The following AHCYL2 variants were observed in gnomAD, a reference collection of about 807,000 sequenced individuals.
AHCYL2 encodes S-adenosylhomocysteine hydrolase-like protein 2.
AHCYL2 carries 28 observed loss-of-function variants against 81.4 expected under a neutral mutation model. That is an observed-to-expected ratio of 0.34 (90% confidence interval 0.25 to 0.47). The LOEUF is 0.47. AHCYL2 is among the 20% of genes least tolerant of loss of function. The probability of loss-of-function intolerance (pLI) is 1.00; values close to 1 mark genes in which losing one functional copy is unlikely to be tolerated. For missense variants in AHCYL2, 551 were observed against 785.1 expected (o/e 0.70, Z 3.56); for synonymous variants, 272 against 290.2 (o/e 0.94, Z 0.64).
chr7:129,247,562 T>C (rs974500223), intron 1 of AHCYL2, among the ~76,000 whole-genome samples: 15 of 151,860 alleles, frequency 9.9e-5, no homozygotes, highest in Non-Finnish European at 2.2e-4. Flanking sequence ...ATCTTTTTAA[T>C]TTTGAAAAAG....
chr7:129,292,027 C>T (rs1410194172), intron 1 of AHCYL2, among the ~76,000 whole-genome samples: 2 of 151,926 alleles, frequency 1.3e-5, no homozygotes, highest in East Asian at 3.9e-4. Context: ...TTAAGACAAA[C>T]AATTATGAAG....
At chr7:129,333,256 G>A (rs939217995) in intron 1 of AHCYL2, among the ~76,000 whole-genome samples, 19 of 150,338 alleles carry the variant, frequency 1.3e-4, no homozygotes, top group African/African-American at 4.2e-4. Flanking sequence ...GATTGCTTGA[G>A]GCCAGGAGTT....
chr7:129,410,232 C>T, intron 11 of AHCYL2: 1 of 1,613,852 alleles, frequency 6.2e-7, no homozygotes, highest in East Asian at 2.2e-5. Flanking sequence ...AGCCCAATGG[C>T]TCCTTCTCCA....
chr7:129,272,964 C>G (rs1399542258), intron 1 of AHCYL2, among the ~76,000 whole-genome samples: 6 of 152,154 alleles, frequency 3.9e-5, no homozygotes, highest in Admixed American at 3.9e-4. Flanking sequence ...GGCTGGAGTG[C>G]AGTGGTGCTC....
chr7:129,379,505 T>C, intron 1 of AHCYL2, 133 bp from the exon 2 acceptor site: 4 of 650,814 alleles, frequency 6.1e-6, no homozygotes, highest in Non-Finnish European at 7.9e-6. Flanking sequence ...TCAAAGGGTC[T>C]TAATATCCCA....
At position 129,422,867 on chromosome 7, in the gene AHCYL2, T is replaced by C. The variant is rs1385638100; in HGVS notation, c.1489T>C (p.Trp497Arg). ...GAGTCTGCGGACACCAGAACTGACC[T>C]GGGAGCGAGTGAGATCTCAAGTTGA... ...VASLRTPELT[W>R]ERVRSQVDHV... is the part of the protein sequence containing the mutation. The change falls in exon 13 of 17, where the codon TGG (tryptophan) becomes CGG (arginine). Residue 497 changes from tryptophan (W) to arginine (R), a missense_variant. Physicochemically the swap from Trp to Arg is moderately radical, Grantham distance 101. Around this residue, in one of 2 missense-constraint regions of AHCYL2, gnomAD observed 316 missense variants for 543.1 expected, o/e 0.58. Transcript: ENST00000325006. The C allele has an allele frequency of 1.2e-6, 2 of 1,614,034 alleles. No homozygotes were observed. Among genetic ancestry groups the C allele is most frequent in the East Asian group, 2.2e-5 (1 of 44,902 alleles).
intron 1 of AHCYL2, among the ~76,000 whole-genome samples, chr7:129,365,102 A>G (rs1794060006): frequency 6.6e-6 from 1 of 152,184 alleles, no homozygotes; most frequent in Admixed American, 6.5e-5. Flanking sequence ...GCCCCTGAAG[A>G]GCCTGGAGAC....
intron 12 of AHCYL2, among the ~76,000 whole-genome samples, chr7:129,416,754 C>T (rs1211521654): frequency 2.0e-5 from 3 of 151,878 alleles, no homozygotes; most frequent in African/African-American, 2.4e-5. Context: ...GAGCCAAGAT[C>T]GCACCATTGC....
chr7:129,269,848 G>A (rs1310407992), intron 1 of AHCYL2, among the ~76,000 whole-genome samples: 1 of 152,078 alleles, frequency 6.6e-6, no homozygotes, highest in Non-Finnish European at 1.5e-5. Context: ...CATAATATAT[G>A]TCAAATAAAT....
chr7:129,301,494 G>A (rs1170748894), intron 1 of AHCYL2, among the ~76,000 whole-genome samples: 1 of 152,064 alleles, frequency 6.6e-6, no homozygotes, highest in Non-Finnish European at 1.5e-5. Flanking sequence ...CATAGTTTGA[G>A]GTCTTAGATT....
At chr7:129,275,752 T>G (rs945007806) in intron 1 of AHCYL2, among the ~76,000 whole-genome samples, 2 of 152,272 alleles carry the variant, frequency 1.3e-5, no homozygotes, top group African/African-American at 4.8e-5. Context: ...GAAGAAAATA[T>G]ATAGATACAA....
At chr7:129,384,458 CAATA>C (rs1314180437) in intron 2 of AHCYL2, among the ~76,000 whole-genome samples, 2 of 150,880 alleles carry the variant, frequency 1.3e-5, no homozygotes, top group Admixed American at 1.3e-4. Flanking sequence ...AAGAGGTACT[CAATA>C]AATAAATATT....
rs188002002 is a variant in AHCYL2 at position 129,290,726 on chromosome 7, C to T, written c.363+65287C>T. Among the ~76,000 whole-genome samples, 1,338 of 151,610 alleles carry T rather than the reference C, an allele frequency of 8.8e-3. 12 individuals carry two copies. The highest frequency in any genetic ancestry group is 0.063 in the South Asian group (300 of 4,798). Reference sequence around the variant, plus strand: ...CAGGTGGATCATGAGGTCAGGAGTTCGAGACCAGCCTGGTCAAGATGGTGA... The same window carrying T: ...CAGGTGGATCATGAGGTCAGGAGTTTGAGACCAGCCTGGTCAAGATGGTGA... On this transcript the variant is annotated intron_variant, in intron 1 of 16. Coordinates refer to ENST00000325006, the MANE Select transcript of AHCYL2 (RefSeq NM_015328.4).
At chr7:129,291,006 T>C (rs1407422430) in intron 1 of AHCYL2, among the ~76,000 whole-genome samples, 1 of 152,000 alleles carries the variant, frequency 6.6e-6, no homozygotes, top group Non-Finnish European at 1.5e-5. Flanking sequence ...GTTTCCACTA[T>C]TGTTTCCAGT....
intron 1 of AHCYL2, among the ~76,000 whole-genome samples, chr7:129,342,086 A>G (rs1196741497): frequency 6.6e-6 from 1 of 152,168 alleles, no homozygotes; most frequent in Non-Finnish European, 1.5e-5. Context: ...GTAAATAGAA[A>G]GAGTTTAATA....
chr7:129,292,524 T>C (rs1483519645), intron 1 of AHCYL2, among the ~76,000 whole-genome samples: 2 of 152,166 alleles, frequency 1.3e-5, no homozygotes, highest in Non-Finnish European at 1.5e-5. Flanking sequence ...CCTAGCACTT[T>C]GGGAGTCTGA....
At chr7:129,307,441 A>G (rs1008803227) in intron 1 of AHCYL2, among the ~76,000 whole-genome samples, 1 of 152,082 alleles carries the variant, frequency 6.6e-6, no homozygotes, top group Non-Finnish European at 1.5e-5. Context: ...TTAAGGCCCA[A>G]GGGCTCTTCA....
Position 129,288,470 on chromosome 7 carries a change from C to T in AHCYL2, c.363+63031C>T, listed in dbSNP as rs187402818. Among the ~76,000 whole-genome samples the T allele has an allele frequency of 7.0e-3, 1,066 of 152,244 alleles. 5 individuals are homozygous for T. Among genetic ancestry groups the T allele is most frequent in the Non-Finnish European group, 0.011 (723 of 68,018 alleles). ...CCACCTTCTGGGTTCAAGCGATTCTCCTCCTCAGCCTCCTGAATAGCTGGG... is the reference window on the plus strand; with the variant it reads ...CCACCTTCTGGGTTCAAGCGATTCTTCTCCTCAGCCTCCTGAATAGCTGGG... On this transcript the variant is annotated intron_variant, in intron 1 of 16. Coordinates refer to ENST00000325006, the MANE Select transcript of AHCYL2 (RefSeq NM_015328.4).
chr7:129,322,055 C>G (rs1798054300), intron 1 of AHCYL2, among the ~76,000 whole-genome samples: 1 of 151,620 alleles, frequency 6.6e-6, no homozygotes, highest in Non-Finnish European at 1.5e-5. Flanking sequence ...GGATTACAGG[C>G]TAGTTCTTCT....
Sources: gnomAD v4.1 joint callset for allele counts (sites outside exome capture counted in the v4.1 genomes callset) on GRCh38, gnomAD v4.1.1 for gene constraint, gnomAD v4.1.1 regional missense constraint, MANE v1.5 for transcripts, NCBI Gene and HGNC (gene_info 2026-07-23, HGNC 2026-07-21) for gene names.